The following NANP variants were observed in gnomAD, a reference collection of about 807,000 sequenced individuals.
NANP encodes N-acetylneuraminic acid phosphatase, also known as N-acylneuraminate-9-phosphatase.
Under a neutral mutation model 16.9 loss-of-function variants are expected in NANP, and 15 were observed. The ratio of observed to expected loss-of-function variants is 0.89; its 90% CI spans 0.59 to 1.37. NANP has a LOEUF of 1.37. NANP is among the 40% of genes most tolerant of loss of function. The pLI is 0.00. For synonymous variants in NANP, 135 were observed against 112.6 expected (o/e 1.20, Z -1.26); for missense variants, 290 against 303.5 (o/e 0.96, Z 0.33).
Position 25,616,395 on chromosome 20 carries a change from C to G in NANP, c.277G>C (p.Ala93Pro), listed in dbSNP as rs759746880. Residue 93 changes from alanine to proline, a missense_variant, in exon 2 of 2, where the codon GCT (alanine) becomes CCT (proline). Ala to Pro is a conservative substitution (Grantham distance 27). Coordinates refer to ENST00000304788, the MANE Select transcript of NANP (RefSeq NM_152667.3). ...TKGGAANRKL[A>P]EECYFLWKST... ...TTCCAAAGGAAATAACATTCTTCAG[C>G]CAATTTTCTATTGGCTGCACCACCT... The G allele has an allele frequency of 3.7e-6, 6 of 1,613,346 alleles. No individual in the cohort carries two copies. In the Admixed American group the frequency reaches 1.0e-4, roughly 27 times the overall value.
chr20:25,616,012 G>A lies in NANP; in HGVS notation c.660C>T (p.Ser220=). 1 of 1,614,182 alleles carries A rather than the reference G, an allele frequency of 6.2e-7. No individual in the cohort carries two copies. Among genetic ancestry groups the A allele is most frequent in the Non-Finnish European group, 8.5e-7 (1 of 1,180,028 alleles). The change falls in exon 2 of 2, where the codon TCC becomes TCT. Residue 220 remains serine (S), a synonymous_variant. Coordinates refer to ENST00000304788, the MANE Select transcript of NANP (RefSeq NM_152667.3). ...NKNGIVPLKS[S]PVPHYMVSSV... ...AAGAAACCATGTAATGCGGAACTGG[G>A]GAGGACTTCAGTGGCACTATTCCAT...
Position 25,613,297 on chromosome 20 carries a change from T to C in NANP, c.*2628A>G, listed in dbSNP as rs1183366607. ...GAACTTTGGTAAAGACCTGCTTTCCTACAATACTGAGCATCCACTGGGTCC... is the reference window on the plus strand; with the variant it reads ...GAACTTTGGTAAAGACCTGCTTTCCCACAATACTGAGCATCCACTGGGTCC... On this transcript the variant is annotated 3_prime_UTR_variant, in exon 2 of 2. Transcript: ENST00000304788. 6.6e-6 allele frequency: 1 copy of C among 152,266 alleles called. No homozygotes were observed. Among genetic ancestry groups the C allele is most frequent in the Non-Finnish European group, 1.5e-5 (1 of 68,094 alleles). The allele number at this position is 152,266 out of a possible 1,614,324, so 9.4% of individuals were successfully genotyped here.
In NANP at chr20:25,615,325, A is replaced by G. The variant is rs1039666922; in HGVS notation, c.*600T>C. On this transcript the variant is annotated 3_prime_UTR_variant, in exon 2 of 2. Coordinates refer to ENST00000304788, the MANE Select transcript of NANP (RefSeq NM_152667.3). Reference sequence around the variant, plus strand: ...TGCTCCCTGCCCTCTGAAAAAAAAAAAAATGTCATACAGAAAAATCAGGTT... The same window carrying G: ...TGCTCCCTGCCCTCTGAAAAAAAAAGAAATGTCATACAGAAAAATCAGGTT... 9.8e-5 allele frequency: 15 copies of G among 152,596 alleles called. No individual in the cohort carries two copies. The highest frequency in any genetic ancestry group is 3.6e-4 in the African/African-American group (15 of 41,588). 9.5% of individuals were successfully genotyped at this position (152,596 alleles called of 1,614,324 possible). A position where few individuals can be genotyped will look rare whatever the true frequency, so the allele number is the denominator to read the frequency against.
rs771836564 is a variant in NANP at position 25,616,527 on chromosome 20, AGAT to A, written c.142_144del (p.Ile48del). ...CTGAGTTTAACTTGAACTTTATCAC[AGAT>A]GATTTCAGCCTCTTCTTTATAATGG... On this transcript the variant is annotated inframe_deletion, in exon 2 of 2. Transcript: ENST00000304788. 1 of 1,611,246 alleles carries A rather than the reference AGAT, an allele frequency of 6.2e-7. No homozygotes were observed. The highest frequency in any genetic ancestry group is 8.5e-7 in the Non-Finnish European group (1 of 1,178,910).
In NANP at chr20:25,615,227, G is replaced by A. The variant is rs1483462642; in HGVS notation, c.*698C>T. 1.3e-5 allele frequency: 2 copies of A among 152,266 alleles called. No individual in the cohort carries two copies. The highest frequency in any genetic ancestry group is 4.8e-5 in the African/African-American group (2 of 41,304). The allele number at this position is 152,266 out of a possible 1,614,324, so 9.4% of individuals were successfully genotyped here. ...TGTGCACAGGTGAGAAAATGTCACGGTAAAGGAGCACCATGTGTTGATTTT... is the reference window on the plus strand; with the variant it reads ...TGTGCACAGGTGAGAAAATGTCACGATAAAGGAGCACCATGTGTTGATTTT... On this transcript the variant is annotated 3_prime_UTR_variant, in exon 2 of 2. Transcript: ENST00000304788.
intron 1 of NANP, among the ~76,000 whole-genome samples, chr20:25,623,422 C>A (rs563098722): frequency 2.0e-5 from 3 of 152,360 alleles, no homozygotes; most frequent in Admixed American, 2.0e-4. Context: ...GGGGCTAACT[C>A]TACCATGTCT....
rs1048173097 is a variant in NANP, at chr20:25,615,349, T to C, written c.*576A>G. ...AAAAATGTCATACAGAAAAATCAGG[T>C]TCATAAAAGAAAGTATACATCCAAA... is the stretch of plus-strand genomic sequence containing the variant. On this transcript the variant is annotated 3_prime_UTR_variant, in exon 2 of 2. Coordinates refer to ENST00000304788, the MANE Select transcript of NANP (RefSeq NM_152667.3). The C allele has an allele frequency of 1.3e-5, 2 of 151,856 alleles. No individual in the cohort carries two copies. The highest frequency in any genetic ancestry group is 4.8e-5 in the African/African-American group (2 of 41,334). 9.4% of individuals were successfully genotyped at this position (151,856 alleles called of 1,614,324 possible).
chr20:25,623,875 C>T lies in NANP; in HGVS notation c.74G>A (p.Arg25Lys). Residue 25 changes from arginine (R) to lysine (K), a missense_variant, in exon 1 of 2, where the codon AGG becomes AAG. Physicochemically the swap from Arg to Lys is conservative, Grantham distance 26 (BLOSUM62 2). Coordinates refer to ENST00000304788, the MANE Select transcript of NANP (RefSeq NM_152667.3). ...GGACGTTACCTCCAACATGCCTCTC[C>T]TGCTCGCCCCGGCCGTGTCGATGAG... Reference protein sequence around the residue: ...NTLIDTAGASRRGMLEVIKLL... With the variant: ...NTLIDTAGASKRGMLEVIKLL... 1 of 1,613,636 alleles carries T rather than the reference C, an allele frequency of 6.2e-7. No homozygotes were observed.
intron 1 of NANP, among the ~76,000 whole-genome samples, chr20:25,623,024 A>G (rs1389822762): frequency 6.6e-6 from 1 of 152,236 alleles, no homozygotes; most frequent in Non-Finnish European, 1.5e-5. Flanking sequence ...ATCCAGGGAC[A>G]CAAAAACTAA....
intron 1 of NANP, among the ~76,000 whole-genome samples, chr20:25,623,436 C>T (rs1487033997): frequency 1.3e-5 from 2 of 152,248 alleles, no homozygotes; most frequent in Non-Finnish European, 2.9e-5. Context: ...CATGTCTCCT[C>T]CCAGCAACCC....
chr20:25,619,185 G>T (rs956058037), intron 1 of NANP, among the ~76,000 whole-genome samples: 2 of 149,210 alleles, frequency 1.3e-5, no homozygotes, highest in African/African-American at 5.0e-5. Flanking sequence ...ATGGAGTGCA[G>T]TAGAGGAATG....
rs560115332 is a variant in NANP, at chr20:25,615,853, G to A, written c.*72C>T. On this transcript the variant is annotated 3_prime_UTR_variant, in exon 2 of 2. Transcript: ENST00000304788. ...TTAGAGCTGGATTATCATAAGTGGA[G>A]TGCCCTAACTTTTCTTATTTCATAC... 192 of 1,370,490 alleles carry A rather than the reference G, an allele frequency of 1.4e-4. No homozygotes were observed. The highest frequency in any genetic ancestry group is 1.8e-4 in the Non-Finnish European group (183 of 1,002,736). The allele number at this position is 1,370,490 out of a possible 1,614,324, so 84.9% of individuals were successfully genotyped here.
Position 25,616,446 on chromosome 20 carries a change from A to G in NANP, c.226T>C (p.Trp76Arg), listed in dbSNP as rs1469976725. Residue 76 changes from tryptophan (W) to arginine (R), a missense_variant, in exon 2 of 2, where the codon TGG becomes CGG. Trp to Arg is a moderately radical substitution (Grantham distance 101). Coordinates refer to ENST00000304788, the MANE Select transcript of NANP (RefSeq NM_152667.3). ...TTTGTTTCCTGGATTGCTTCTTCCC[A>G]ATGTGAAGTCCTTAAATCAGTAATG... ...TCITDLRTSHWEEAIQETKGG... is the reference protein window; with the variant it reads ...TCITDLRTSHREEAIQETKGG... The G allele has an allele frequency of 6.2e-7, 1 of 1,614,148 alleles. No homozygotes were observed. Among genetic ancestry groups the G allele is most frequent in the South Asian group, 1.1e-5 (1 of 91,082 alleles).
At chr20:25,619,360 A>T (rs1178343164) in intron 1 of NANP, among the ~76,000 whole-genome samples, 1 of 152,104 alleles carries the variant, frequency 6.6e-6, no homozygotes, top group Non-Finnish European at 1.5e-5. Flanking sequence ...GCCTCAAGCA[A>T]TCCTCCTGCC....
In NANP at chr20:25,615,978, C is replaced by T; in HGVS notation, c.694G>A (p.Glu232Lys). The T allele has an allele frequency of 6.2e-7, 1 of 1,614,128 alleles. No individual in the cohort carries two copies. Among genetic ancestry groups the T allele is most frequent in the Non-Finnish European group, 8.5e-7 (1 of 1,180,028 alleles). Residue 232 changes from glutamate to lysine, a missense_variant, in exon 2 of 2, where the codon GAG (glutamate) becomes AAG (lysine). Coordinates refer to ENST00000304788, the MANE Select transcript of NANP (RefSeq NM_152667.3). ...ATACTTTGTAAGAGAGCAGGTAACT[C>T]TAGCACAGAAGAAACCATGTAATGC... ...VPHYMVSSVL[E>K]LPALLQSIDC...
Position 25,623,965 on chromosome 20 carries a change from G to A in NANP, c.-17C>T, listed in dbSNP as rs1170485562. The A allele has an allele frequency of 6.2e-7, 1 of 1,609,800 alleles. No individual in the cohort carries two copies. The highest frequency in any genetic ancestry group is 2.2e-5 in the East Asian group (1 of 44,776). ...CAGCCCCATAGCGCCGGCCGCTGGC[G>A]CGAACCGTAGCCTTGCCACCGCCGC... On this transcript the variant is annotated 5_prime_UTR_variant, in exon 1 of 2. Coordinates refer to ENST00000304788, the MANE Select transcript of NANP (RefSeq NM_152667.3).
chr20:25,616,449 G>A lies in NANP; in HGVS notation c.223C>T (p.His75Tyr). The part of the protein sequence containing the change: ...NTCITDLRTS[H>Y]WEEAIQETKG... ...GTTTCCTGGATTGCTTCTTCCCAAT[G>A]TGAAGTCCTTAAATCAGTAATGCAT... Residue 75 changes from histidine to tyrosine, a missense_variant, in exon 2 of 2, where the codon CAT (histidine) becomes TAT (tyrosine). His to Tyr is a moderately conservative substitution (Grantham distance 83). Coordinates refer to ENST00000304788, the MANE Select transcript of NANP (RefSeq NM_152667.3). The A allele has an allele frequency of 4.3e-6, 7 of 1,614,078 alleles. No homozygotes were observed. In the East Asian group the frequency reaches 1.6e-4, roughly 36 times the overall value.
chr20:25,620,751 T>G (rs1387641743), intron 1 of NANP, among the ~76,000 whole-genome samples: 1 of 151,998 alleles, frequency 6.6e-6, no homozygotes, highest in Non-Finnish European at 1.5e-5. Context: ...CATTCCTTAT[T>G]TATGAGGAGG....
chr20:25,615,780 G>A lies in NANP; in HGVS notation c.*145C>T. 1 of 774,678 alleles carries A rather than the reference G, an allele frequency of 1.3e-6. No homozygotes were observed. The highest frequency in any genetic ancestry group is 2.0e-6 in the Non-Finnish European group (1 of 497,266). 48.0% of individuals were successfully genotyped at this position (774,678 alleles called of 1,614,324 possible). On this transcript the variant is annotated 3_prime_UTR_variant, in exon 2 of 2. Coordinates refer to ENST00000304788, the MANE Select transcript of NANP (RefSeq NM_152667.3). ...GTTACAACTTAGAAGCAATAGGGTT[G>A]GGAAGACCTTCAAAATATTGGCCAT...
Sources: allele counts gnomAD v4.1 joint callset (sites outside exome capture counted in the v4.1 genomes callset), GRCh38; gene constraint gnomAD v4.1.1; transcripts MANE v1.5; gene names NCBI Gene and HGNC (gene_info 2026-07-23, HGNC 2026-07-21).